LOC128462377: variants seen among roughly 807,000 people sequenced by gnomAD.
chr16:89,342,115 C>T, the LOC128462377 span, among the ~76,000 whole-genome samples: 1 of 152,282 alleles, frequency 6.6e-6, no homozygotes, highest in African/African-American at 2.4e-5. Flanking sequence ...CTCACACCAC[C>T]ATGGGCACTT....
the LOC128462377 span, among the ~76,000 whole-genome samples, chr16:89,328,214 T>C: frequency 2.6e-5 from 4 of 152,238 alleles, no homozygotes; most frequent in African/African-American, 7.2e-5. Flanking sequence ...CTGGAGAGGA[T>C]GTAGAAAAGC....
the LOC128462377 span, among the ~76,000 whole-genome samples, chr16:89,363,218 A>T: frequency 6.6e-6 from 1 of 152,218 alleles, no homozygotes; most frequent in Non-Finnish European, 1.5e-5. Flanking sequence ...GATCAGAAAT[A>T]GGTAAGTTTT....
At chr16:89,389,391 T>C in the LOC128462377 span, among the ~76,000 whole-genome samples, 2 of 151,956 alleles carry the variant, frequency 1.3e-5, no homozygotes, top group East Asian at 1.9e-4. Context: ...TTCCTGGGCA[T>C]GTAAATAAGA....
At chr16:89,369,644 G>A in the LOC128462377 span, among the ~76,000 whole-genome samples, 1 of 152,222 alleles carries the variant, frequency 6.6e-6, no homozygotes, top group Non-Finnish European at 1.5e-5. Flanking sequence ...GACAACCAGG[G>A]GGGTCCTTGT....
chr16:89,415,578 T>A, the LOC128462377 span, among the ~76,000 whole-genome samples: 1 of 151,622 alleles, frequency 6.6e-6, no homozygotes, highest in Admixed American at 6.6e-5. Context: ...ATTCTTTTTT[T>A]AAACCCTGCA....
chr16:89,408,327 A>G, the LOC128462377 span, among the ~76,000 whole-genome samples: 4 of 152,254 alleles, frequency 2.6e-5, no homozygotes, highest in South Asian at 4.1e-4. Context: ...GGTGACCAGG[A>G]CAAAGAGGCG....
chr16:89,335,587 G>A, the LOC128462377 span, among the ~76,000 whole-genome samples: 1 of 152,190 alleles, frequency 6.6e-6, no homozygotes, highest in Admixed American at 6.5e-5. Context: ...GAGTGACGTC[G>A]CTTTGGCAGG....
At chr16:89,379,615 G>C in the LOC128462377 span, among the ~76,000 whole-genome samples, 1 of 152,198 alleles carries the variant, frequency 6.6e-6, no homozygotes, top group Non-Finnish European at 1.5e-5. Context: ...GCTCCAACTT[G>C]AGCTTACAGT....
At chr16:89,331,315 T>C in the LOC128462377 span, among the ~76,000 whole-genome samples, 1 of 152,212 alleles carries the variant, frequency 6.6e-6, no homozygotes, top group Non-Finnish European at 1.5e-5. Context: ...ATGAGGCTAA[T>C]AGAAAATTTA....
At chr16:89,334,784 C>G in the LOC128462377 span, among the ~76,000 whole-genome samples, 1 of 152,164 alleles carries the variant, frequency 6.6e-6, no homozygotes, top group Non-Finnish European at 1.5e-5. Flanking sequence ...AGCCCACCCA[C>G]GTGTCCACCA....
At chr16:89,319,536 C>G in the LOC128462377 span, among the ~76,000 whole-genome samples, 6 of 152,270 alleles carry the variant, frequency 3.9e-5, no homozygotes, top group African/African-American at 1.2e-4. Context: ...GGCCGTGGCC[C>G]TTCCAGGACC....
chr16:89,334,420 A>G, the LOC128462377 span, among the ~76,000 whole-genome samples: 2 of 152,070 alleles, frequency 1.3e-5, no homozygotes, highest in African/African-American at 2.4e-5. Flanking sequence ...TACCCCTCCA[A>G]GCCTGCCATT....
At chr16:89,384,880 T>TTTTC in the LOC128462377 span, among the ~76,000 whole-genome samples, 13 of 10,524 alleles carry the variant, frequency 1.2e-3, 1 homozygote, top group African/African-American at 3.0e-3. Context: ...AATAGTTTTC[T>TTTTC]TTTTTTTTTT....
the LOC128462377 span, chr16:89,324,794 C>T: frequency 6.9e-6 from 2 of 288,510 alleles, no homozygotes; most frequent in South Asian, 3.0e-5. Context: ...GTTGGCTTCC[C>T]GACTTTTGAG....
the LOC128462377 span, among the ~76,000 whole-genome samples, chr16:89,398,632 C>T: frequency 6.6e-6 from 1 of 152,074 alleles, no homozygotes; most frequent in Non-Finnish European, 1.5e-5. Context: ...GTTTCAGATA[C>T]TCAGGGGGCT....
chr16:89,358,275 G>C, the LOC128462377 span, among the ~76,000 whole-genome samples: 1 of 152,242 alleles, frequency 6.6e-6, no homozygotes, highest in Non-Finnish European at 1.5e-5. Context: ...AAGACGTAGA[G>C]CACACAGGCG....
chr16:89,345,100 C>T, the LOC128462377 span, among the ~76,000 whole-genome samples: 5 of 151,978 alleles, frequency 3.3e-5, no homozygotes, highest in African/African-American at 9.7e-5. Flanking sequence ...AACTGCTTCA[C>T]GGCCTGAAAG....
At chr16:89,346,659 G>C in the LOC128462377 span, among the ~76,000 whole-genome samples, 2 of 152,174 alleles carry the variant, frequency 1.3e-5, no homozygotes, top group Non-Finnish European at 2.9e-5. Context: ...AGGGAAACCA[G>C]AGTAGGAATT....
the LOC128462377 span, among the ~76,000 whole-genome samples, chr16:89,379,427 C>T: frequency 6.6e-6 from 1 of 152,172 alleles, no homozygotes; most frequent in South Asian, 2.1e-4. Context: ...GGGCCTCCTG[C>T]TCCACACCCT....
Sources: gnomAD v4.1 joint callset for allele counts (sites outside exome capture counted in the v4.1 genomes callset) on GRCh38, gnomAD v4.1.1 for gene constraint, MANE v1.5 for transcripts.